CATSPERE: variants seen among roughly 807,000 people sequenced by gnomAD.
CATSPERE encodes the protein cation channel sperm-associated auxiliary subunit epsilon.
Under a neutral mutation model 114.1 loss-of-function variants are expected in CATSPERE, and 93 were observed. That is an observed-to-expected ratio of 0.81 (90% CI 0.69 to 0.97). The LOEUF (loss-of-function observed/expected upper bound fraction) is 0.97. Ranked by LOEUF, CATSPERE falls within the 50% of genes least tolerant of loss-of-function variation. The probability of loss-of-function intolerance (pLI) is 0.00; values close to 1 mark genes in which losing one functional copy is unlikely to be tolerated. For missense variants in CATSPERE, 1,058 were observed against 1,131.6 expected (o/e 0.93, Z 0.93); for synonymous variants, 341 against 384.1 (o/e 0.89, Z 1.31).
rs547238362 is a variant in CATSPERE at position 244,481,014 on chromosome 1, C to T, written c.326+1230C>T. On this transcript the variant is annotated intron_variant, in intron 5 of 21. Coordinates refer to ENST00000366534, the MANE Select transcript of CATSPERE (RefSeq NM_001130957.2). ...TAGAGCCCTGGCGCAGTGGCTCATG[C>T]CTGTAGTCCCAGCTACGCAGGAGGC... Among the ~76,000 whole-genome samples the T allele has an allele frequency of 7.2e-5, 11 of 152,272 alleles. No homozygotes were observed. In the South Asian group the frequency reaches 2.3e-3, roughly 32 times the overall value.
At chr1:244,489,596 G>A (rs1019561151) in intron 5 of CATSPERE, among the ~76,000 whole-genome samples, 1 of 151,302 alleles carries the variant, frequency 6.6e-6, no homozygotes, top group Non-Finnish European at 1.5e-5. Flanking sequence ...AGAGGAAGGC[G>A]GCATGGAAAC....
At chr1:244,466,715 C>T (rs1667651481) in intron 2 of CATSPERE, among the ~76,000 whole-genome samples, 1 of 152,108 alleles carries the variant, frequency 6.6e-6, no homozygotes, top group African/African-American at 2.4e-5. Context: ...TTAGAAACCC[C>T]CACTAATTTT....
At chr1:244,505,811 C>G (rs1375065449) in intron 7 of CATSPERE, among the ~76,000 whole-genome samples, 1 of 152,028 alleles carries the variant, frequency 6.6e-6, no homozygotes, top group Non-Finnish European at 1.5e-5. Context: ...TGGAGACCAT[C>G]CTGGCTAACA....
chr1:244,555,370 G>A (rs189734291), intron 9 of CATSPERE, among the ~76,000 whole-genome samples: 119 of 142,652 alleles, frequency 8.3e-4, no homozygotes, highest in Non-Finnish European at 1.4e-3. Flanking sequence ...GTGACATAGC[G>A]AGACTCCATC....
chr1:244,493,445 T>C (rs1256364207), intron 6 of CATSPERE, among the ~76,000 whole-genome samples: 2 of 152,084 alleles, frequency 1.3e-5, no homozygotes, highest in East Asian at 1.9e-4. Flanking sequence ...ATACAAAAAT[T>C]AATTCAAGAT....
chr1:244,458,552 C>T (rs931384842), upstream of CATSPERE, among the ~76,000 whole-genome samples: 13 of 152,172 alleles, frequency 8.5e-5, no homozygotes, highest in Non-Finnish European at 1.5e-5. Flanking sequence ...ACTTCTAGGA[C>T]TCTCATGGAG....
At chr1:244,579,035 T>C (rs975008639) in intron 11 of CATSPERE, among the ~76,000 whole-genome samples, 1 of 151,914 alleles carries the variant, frequency 6.6e-6, no homozygotes, top group Non-Finnish European at 1.5e-5. Context: ...TATTCAAGGT[T>C]TACAGTATTG....
intron 2 of CATSPERE, among the ~76,000 whole-genome samples, chr1:244,464,876 T>C (rs952847920): frequency 2.0e-5 from 3 of 152,130 alleles, no homozygotes; most frequent in Non-Finnish European, 2.9e-5. Context: ...GCTATCTACA[T>C]TGCGTTGTAA....
At chr1:244,502,308 G>GT (rs1674170781) in intron 7 of CATSPERE, among the ~76,000 whole-genome samples, 1 of 152,012 alleles carries the variant, frequency 6.6e-6, no homozygotes, top group African/African-American at 2.4e-5. Flanking sequence ...TATCCTTACA[G>GT]TTTTTTTCAA....
intron 20 of CATSPERE, among the ~76,000 whole-genome samples, chr1:244,628,880 C>T (rs145474474): frequency 6.3e-4 from 96 of 152,284 alleles, no homozygotes; most frequent in African/African-American, 2.3e-3. Context: ...CAGCTATTCA[C>T]GTGCTTATTT....
Position 244,522,828 on chromosome 1 carries a change from T to C in CATSPERE, c.536+4130T>C, listed in dbSNP as rs1424674899. ...AATAGACCAATAACAGGAGCTGAAATTGTGGCAATAATAAGTAGCTTACCA... is the reference window on the plus strand; with the variant it reads ...AATAGACCAATAACAGGAGCTGAAACTGTGGCAATAATAAGTAGCTTACCA... On this transcript the variant is annotated intron_variant, in intron 8 of 21. Transcript: ENST00000366534. Among the ~76,000 whole-genome samples the C allele has an allele frequency of 2.6e-5, 4 of 152,196 alleles. No homozygotes were observed. In the South Asian group the frequency reaches 6.2e-4, roughly 24 times the overall value.
intron 8 of CATSPERE, among the ~76,000 whole-genome samples, chr1:244,550,286 T>C (rs533624024): frequency 1.3e-5 from 2 of 152,322 alleles, no homozygotes; most frequent in Admixed American, 6.5e-5. Context: ...TATCCTAGTC[T>C]ATTCTCTGGA....
At chr1:244,497,605 T>A (rs1051084247) in intron 6 of CATSPERE, among the ~76,000 whole-genome samples, 1 of 152,164 alleles carries the variant, frequency 6.6e-6, no homozygotes, top group Non-Finnish European at 1.5e-5. Context: ...GAGACCAGCC[T>A]GGCCAACATG....
chr1:244,538,618 G>A (rs1680722323), intron 8 of CATSPERE, among the ~76,000 whole-genome samples: 1 of 152,120 alleles, frequency 6.6e-6, no homozygotes, highest in Admixed American at 6.5e-5. Context: ...ATATTCAAAG[G>A]GTAAGAGAAA....
upstream of CATSPERE, among the ~76,000 whole-genome samples, chr1:244,457,173 A>G (rs1198917586): frequency 6.6e-6 from 1 of 152,212 alleles, no homozygotes; most frequent in Non-Finnish European, 1.5e-5. Context: ...TCTGTAGGTT[A>G]AAACATTAAA....
At chr1:244,484,583 G>A (rs1343802765) in intron 5 of CATSPERE, among the ~76,000 whole-genome samples, 1 of 152,176 alleles carries the variant, frequency 6.6e-6, no homozygotes, top group Non-Finnish European at 1.5e-5. Flanking sequence ...TTTAGAATTA[G>A]TAGGAATTTT....
rs201028764 is a variant in CATSPERE at position 244,605,589 on chromosome 1, G to A, written c.2304-106G>A. 63 of 645,960 alleles carry A rather than the reference G, an allele frequency of 9.8e-5. No homozygotes were observed. The East Asian group carries it at 1.7e-3, about 18-fold the overall frequency. 40.0% of individuals were successfully genotyped at this position (645,960 alleles called of 1,614,324 possible). ...GAGTTACTTTATCACTTTATGAAGT[G>A]ATAAAGACAGGATTTAAACCTAAGC... On this transcript the variant is annotated intron_variant, in intron 17 of 21. Transcript: ENST00000366534.
At chr1:244,485,690 T>A (rs951129656) in intron 5 of CATSPERE, among the ~76,000 whole-genome samples, 1 of 145,988 alleles carries the variant, frequency 6.8e-6, no homozygotes, top group Non-Finnish European at 1.5e-5. Context: ...ATGTCTAAAT[T>A]TTGTTTTTTT....
chr1:244,600,844 A>C (rs1261986130), intron 17 of CATSPERE, among the ~76,000 whole-genome samples: 2 of 152,210 alleles, frequency 1.3e-5, no homozygotes, highest in African/African-American at 4.8e-5. Flanking sequence ...TAGGATCCTC[A>C]CTGGAAAAGT....
Sources: allele counts gnomAD v4.1 joint callset (sites outside exome capture counted in the v4.1 genomes callset), GRCh38; gene constraint gnomAD v4.1.1; transcripts MANE v1.5; gene names NCBI Gene and HGNC (gene_info 2026-07-23, HGNC 2026-07-21).